The following CHM variants were observed in gnomAD, a reference collection of about 807,000 sequenced individuals.
CHM encodes rab proteins geranylgeranyltransferase component A 1.
CHM carries 10 observed loss-of-function variants against 49.0 expected under a neutral mutation model. That is an observed-to-expected ratio of 0.20 (90% CI 0.13 to 0.35). The LOEUF (loss-of-function observed/expected upper bound fraction) is 0.35, where lower values mean the gene tolerates loss of function less well. CHM is among the 10% of genes least tolerant of loss of function. CHM has a pLI of 1.00. For synonymous variants in CHM, 184 were observed against 167.5 expected (o/e 1.10, Z -0.76); for missense variants, 455 against 478.4 (o/e 0.95, Z 0.46).
intron 8 of CHM, among the ~76,000 whole-genome samples, chrX:85,946,827 C>G (rs910766188): frequency 1.8e-5 from 2 of 112,188 alleles, no homozygotes; most frequent in South Asian, 7.4e-4. Flanking sequence ...CACCCTGCAC[C>G]TGAAAAAGCC....
At chrX:85,992,483 A>G (rs1296074887) in intron 2 of CHM, among the ~76,000 whole-genome samples, 3 of 111,865 alleles carry the variant, frequency 2.7e-5, no homozygotes, top group African/African-American at 9.7e-5. Context: ...TTGAAGTACT[A>G]CAAAGAGTCA....
chrX:85,902,357 T>C (rs1370804214), intron 9 of CHM, among the ~76,000 whole-genome samples: 4 of 111,728 alleles, frequency 3.6e-5, no homozygotes, highest in Non-Finnish European at 7.5e-5. Flanking sequence ...GTGAGAGGAA[T>C]TTAATTTGTA....
At chrX:85,941,759 G>GA (rs374268072) in intron 8 of CHM, among the ~76,000 whole-genome samples, 30 of 107,502 alleles carry the variant, frequency 2.8e-4, no homozygotes, top group African/African-American at 8.4e-4. Flanking sequence ...GTCTATTTAC[G>GA]AAAAAAAAAA....
chrX:85,913,333 AAAGAAAGAAAG>A (rs1927204326), intron 8 of CHM, among the ~76,000 whole-genome samples: 23 of 25,210 alleles, frequency 9.1e-4, no homozygotes, highest in Admixed American at 4.0e-3. Context: ...AAAAAAAAAA[AAAGAAAGAAAG>A]AAAGAAAGAA....
chrX:85,973,236 T>C (rs2147696039), intron 4 of CHM, among the ~76,000 whole-genome samples: 1 of 87,991 alleles, frequency 1.1e-5, no homozygotes, highest in African/African-American at 4.6e-5. Context: ...GAGGCAGAGG[T>C]TGCAATGAAC....
At chrX:86,003,540 G>GA (rs1239087496) in intron 2 of CHM, among the ~76,000 whole-genome samples, 1 of 112,011 alleles carries the variant, frequency 8.9e-6, no homozygotes, top group African/African-American at 3.3e-5. Context: ...TGGCTAACTA[G>GA]AATAAACAGT....
intron 2 of CHM, among the ~76,000 whole-genome samples, chrX:86,024,760 C>T (rs1003446814): frequency 5.4e-5 from 6 of 112,133 alleles, no homozygotes; most frequent in African/African-American, 1.9e-4. Flanking sequence ...CTATTATTAT[C>T]AAAATCATCT....
intron 8 of CHM, among the ~76,000 whole-genome samples, chrX:85,931,970 A>G (rs763367196): frequency 1.2e-4 from 14 of 112,129 alleles, no homozygotes; most frequent in Non-Finnish European, 1.9e-4. Flanking sequence ...GATTTCTGAT[A>G]GTATCTTTTC....
At chrX:85,996,541 A>C (rs145538703) in intron 2 of CHM, among the ~76,000 whole-genome samples, 1,135 of 111,709 alleles carry the variant, frequency 0.01, 18 homozygotes, top group African/African-American at 0.036. Context: ...CAAACTCACT[A>C]AGCCCAAGGG....
intron 11 of CHM, among the ~76,000 whole-genome samples, chrX:85,896,427 T>C (rs1925837942): frequency 1.8e-5 from 2 of 111,035 alleles, no homozygotes; most frequent in Admixed American, 9.6e-5. Context: ...AAGTTGCCAT[T>C]GAAAGGATGT....
At chrX:85,865,230 A>C (rs1923614325) in intron 14 of CHM, among the ~76,000 whole-genome samples, 1 of 111,675 alleles carries the variant, frequency 9.0e-6, no homozygotes, top group Admixed American at 9.5e-5. Flanking sequence ...CCCACGTGTT[A>C]GGGGGTGACT....
intron 2 of CHM, among the ~76,000 whole-genome samples, chrX:86,010,371 AAG>A (rs1386023846): frequency 8.2e-5 from 9 of 109,694 alleles, no homozygotes; most frequent in Admixed American, 2.0e-4. Flanking sequence ...AAAAAAAAGA[AAG>A]AAAAAAATTG....
intron 5 of CHM, among the ~76,000 whole-genome samples, chrX:85,960,031 T>C (rs5967654): frequency 9.0e-6 from 1 of 110,921 alleles, no homozygotes; most frequent in Non-Finnish European, 1.9e-5. Flanking sequence ...AATCTGATCA[T>C]CCTGATTAAA....
intron 2 of CHM, among the ~76,000 whole-genome samples, chrX:86,000,301 AATTCCTTACTGTAAC>A (rs1932642318): frequency 9.2e-6 from 1 of 108,287 alleles, no homozygotes; most frequent in Non-Finnish European, 1.9e-5. Flanking sequence ...AATTTCACCT[AATTCCTTACTGTAAC>A]ATTCAGTTTT....
chrX:86,031,440 C>A (rs1391601840), intron 1 of CHM, among the ~76,000 whole-genome samples: 1 of 111,780 alleles, frequency 8.9e-6, no homozygotes, highest in Non-Finnish European at 1.9e-5. Flanking sequence ...AGGACTTTAG[C>A]CAGATCATGG....
chrX:86,013,733 C>CAA (rs61357908), intron 2 of CHM, among the ~76,000 whole-genome samples: 1 of 78,508 alleles, frequency 1.3e-5, no homozygotes. Context: ...GACTTCGTCT[C>CAA]AAAAAAAAAA....
chrX:85,869,307 T>A (rs1052874685), intron 14 of CHM, among the ~76,000 whole-genome samples: 1 of 111,567 alleles, frequency 9.0e-6, no homozygotes, highest in African/African-American at 3.3e-5. Context: ...AATACAAATA[T>A]TAAGTATAAA....
intron 11 of CHM, among the ~76,000 whole-genome samples, chrX:85,900,346 G>A (rs1266166394): frequency 9.0e-6 from 1 of 111,564 alleles, no homozygotes; most frequent in Non-Finnish European, 1.9e-5. Context: ...GTAAAACGGT[G>A]CTTGCCAGGA....
chrX:85,971,198 A>G, intron 4 of CHM: 1 of 755,028 alleles, frequency 1.3e-6, no homozygotes, highest in Non-Finnish European at 1.6e-6. Flanking sequence ...GCACTAATCC[A>G]TTTGAATTCT....
Sources: allele counts gnomAD v4.1 joint callset (sites outside exome capture counted in the v4.1 genomes callset), GRCh38; gene constraint gnomAD v4.1.1; transcripts MANE v1.5; gene names NCBI Gene and HGNC (gene_info 2026-07-23, HGNC 2026-07-21).